Variants in EBAG9 observed in about 807,000 individuals in gnomAD.
EBAG9 encodes estrogen receptor binding site associated antigen 9, also known as receptor-binding cancer antigen expressed on SiSo cells.
EBAG9 carries 16 observed loss-of-function variants against 30.9 expected under a neutral mutation model. The observed-to-expected ratio is 0.52, with a 90% CI of 0.35 to 0.79. The LOEUF is 0.79. Among genes scored for constraint, EBAG9 ranks in the 30% least tolerant of loss-of-function variants. The pLI, the probability that EBAG9 is intolerant of heterozygous loss-of-function variation, is 0.01. For missense variants in EBAG9, 197 were observed against 242.1 expected (o/e 0.81, Z 1.24); for synonymous variants, 93 against 82.8 (o/e 1.12, Z -0.67).
At chr8:109,546,665 G>A (rs532155438) in intron 1 of EBAG9, among the ~76,000 whole-genome samples, 10 of 152,302 alleles carry the variant, frequency 6.6e-5, no homozygotes, top group South Asian at 6.2e-4. Flanking sequence ...TCTGGTTAGT[G>A]TTAGTGTATT....
Position 109,546,174 on chromosome 8 carries a change from G to A in EBAG9, c.-15-4636G>A, listed in dbSNP as rs373603120. ...AAATAATTGATACAAGATTATGATG[G>A]TGTTAATGAGTTTTTAAAACAGTAT... On this transcript the variant is annotated intron_variant, in intron 1 of 6. Transcript: ENST00000337573. 8.5e-5 allele frequency among the ~76,000 whole-genome samples: 13 copies of A among 152,268 alleles called. No homozygotes were observed. In the East Asian group the frequency reaches 1.3e-3, roughly 16 times the overall value.
chr8:109,551,659 T>G (rs1821497010), intron 2 of EBAG9, among the ~76,000 whole-genome samples: 1 of 152,198 alleles, frequency 6.6e-6, no homozygotes, highest in East Asian at 1.9e-4. Context: ...ATGTTTGAGA[T>G]AAGTTTTTGT....
At chr8:109,555,937 T>G (rs956960317) in intron 4 of EBAG9, among the ~76,000 whole-genome samples, 1 of 152,170 alleles carries the variant, frequency 6.6e-6, no homozygotes, top group Non-Finnish European at 1.5e-5. Flanking sequence ...ATTTTCTGTT[T>G]GGATTTCTTC....
chr8:109,543,126 ATTCTGGTTCTTTTTTTTTTTTT>A (rs2131096415), intron 1 of EBAG9, among the ~76,000 whole-genome samples: 1 of 71,456 alleles, frequency 1.4e-5, no homozygotes, highest in South Asian at 6.0e-4. Flanking sequence ...AATTTTTAAT[ATTCTGGTTCTTTTTTTTTTTTT>A]TTTTTTTTTT....
Position 109,564,502 on chromosome 8 carries a change from G to A in EBAG9, c.585G>A (p.Lys195=). 1.9e-6 allele frequency: 3 copies of A among 1,612,566 alleles called. No individual in the cohort carries two copies. The highest frequency in any genetic ancestry group is 2.5e-6 in the Non-Finnish European group (3 of 1,178,980). ...AAEQQRKKME[K]EAQRLMKKEQ... The stretch of plus-strand genomic sequence containing the variant: ...AACAACAAAGGAAGAAAATGGAAAA[G>A]GAAGCACAACGGCTAATGAAGAAGG... The change falls in exon 7 of 7, where the codon AAG becomes AAA. Residue 195 remains lysine, a synonymous_variant. Coordinates refer to ENST00000337573, the MANE Select transcript of EBAG9 (RefSeq NM_004215.5).
intron 1 of EBAG9, chr8:109,550,604 C>T: frequency 2.3e-6 from 1 of 428,352 alleles, no homozygotes; most frequent in South Asian, 3.6e-5. Context: ...GGGTTTTATC[C>T]TTACAACCAT....
chr8:109,552,899 C>T (rs2703387), intron 2 of EBAG9, among the ~76,000 whole-genome samples: 31,119 of 152,004 alleles, frequency 0.2, 3,468 homozygotes, highest in East Asian at 0.33. Flanking sequence ...AGTTCAAGAC[C>T]AGCCTGGGCA....
chr8:109,548,887 C>CTTTTTTTTTTTTTT (rs548152043), intron 1 of EBAG9, among the ~76,000 whole-genome samples: 4 of 125,118 alleles, frequency 3.2e-5, no homozygotes, highest in Admixed American at 8.1e-5. Flanking sequence ...TTTCTTTTTT[C>CTTTTTTTTTTTTTT]TTTTTTTTTT....
rs1403480927 is a variant in EBAG9, at chr8:109,556,919, T to C, written c.322-16T>C. On this transcript the variant is annotated splice_polypyrimidine_tract_variant and intron_variant, in intron 4 of 6. Transcript: ENST00000337573. The stretch of plus-strand genomic sequence containing the variant: ...TGTAAAAGATCCCTATAATTCTTTT[T>C]CAATTAATCTTTCAGATTGTTATTA... 4 of 1,462,514 alleles carry C rather than the reference T, an allele frequency of 2.7e-6. No homozygotes were observed. Among genetic ancestry groups the C allele is most frequent in the Non-Finnish European group, 3.7e-6 (4 of 1,068,176 alleles). The allele number at this position is 1,462,514 out of a possible 1,614,324, so 90.6% of individuals were successfully genotyped here.
chr8:109,557,042 T>A lies in EBAG9; in HGVS notation c.429T>A (p.Ser143=), dbSNP rs375694130. Residue 143 remains serine, a splice_region_variant and synonymous_variant, in exon 5 of 7, where the codon TCT becomes TCA. Transcript: ENST00000337573. ...ATQDLPFIHQ[S]SELGDLDTWQ... ...AAGATCTGCCTTTTATTCATCAGTC[T>A]GTAAGTATGTTAATGGTTCTAGGGA... 6.3e-6 allele frequency: 10 copies of A among 1,581,300 alleles called. No individual in the cohort carries two copies. In the African/African-American group the frequency reaches 1.3e-4, roughly 21 times the overall value.
chr8:109,565,877 T>C lies in EBAG9; in HGVS notation c.*1318T>C, dbSNP rs954347383. Reference sequence around the variant, plus strand: ...CCTTAGCCTAAGCTTTCAGACTAAATGTGATTATAGAATAAGATGAAAGTT... The same window carrying C: ...CCTTAGCCTAAGCTTTCAGACTAAACGTGATTATAGAATAAGATGAAAGTT... On this transcript the variant is annotated 3_prime_UTR_variant, in exon 7 of 7. Transcript: ENST00000337573. The C allele has an allele frequency of 6.6e-6, 1 of 152,100 alleles. No individual in the cohort carries two copies. The highest frequency in any genetic ancestry group is 1.5e-5 in the Non-Finnish European group (1 of 67,964). The allele number at this position is 152,100 out of a possible 1,614,324, so 9.4% of individuals were successfully genotyped here. A position where few individuals can be genotyped will look rare whatever the true frequency, so the allele number is the denominator to read the frequency against.
chr8:109,557,016 C>T lies in EBAG9; in HGVS notation c.403C>T (p.Gln135Ter). The change falls in exon 5 of 7, where the codon CAA (glutamine) becomes TAA (stop). Residue 135 changes from glutamine to a stop codon, truncating the protein, a stop_gained. Transcript: ENST00000337573. LOFTEE classifies it high-confidence loss of function. ...TTTCTCTAGTAGATTAGCAGCTACA[C>T]AAGATCTGCCTTTTATTCATCAGTC... ...TGFSSRLAAT[Q>*]DLPFIHQSSE... 5.0e-6 allele frequency: 8 copies of T among 1,606,260 alleles called. No homozygotes were observed. The highest frequency in any genetic ancestry group is 2.2e-5 in the East Asian group (1 of 44,494).
intron 1 of EBAG9, among the ~76,000 whole-genome samples, chr8:109,544,566 C>T (rs1279351582): frequency 6.6e-6 from 1 of 152,154 alleles, no homozygotes; most frequent in Non-Finnish European, 1.5e-5. Context: ...GTTCCAATGA[C>T]AGGAATCATG....
At chr8:109,557,804 C>T (rs1366914831) in intron 5 of EBAG9, 1 of 421,608 alleles carries the variant, frequency 2.4e-6, no homozygotes, top group Admixed American at 2.5e-5. Flanking sequence ...AAAGACAGCT[C>T]ACTTCTACAC....
At chr8:109,553,402 G>A (rs761902818) in intron 2 of EBAG9, among the ~76,000 whole-genome samples, 12 of 152,122 alleles carry the variant, frequency 7.9e-5, no homozygotes, top group African/African-American at 2.9e-4. Context: ...ATCCTTAAAA[G>A]TAAGTTACCA....
intron 5 of EBAG9, among the ~76,000 whole-genome samples, chr8:109,559,664 A>C (rs116834342): frequency 0.053 from 8,107 of 152,028 alleles, 493 homozygotes; most frequent in African/African-American, 0.15. Flanking sequence ...TGTAAAAAAC[A>C]ATCAGCCAGG....
At chr8:109,558,900 T>A (rs543671817) in intron 5 of EBAG9, among the ~76,000 whole-genome samples, 2 of 152,326 alleles carry the variant, frequency 1.3e-5, no homozygotes, top group Admixed American at 1.3e-4. Context: ...TTGGATATTT[T>A]TGTTGGGCAG....
intron 1 of EBAG9, among the ~76,000 whole-genome samples, chr8:109,543,135 CT>C (rs557388998): frequency 4.5e-3 from 240 of 52,832 alleles, no homozygotes; most frequent in Non-Finnish European, 8.4e-3. Context: ...TATTCTGGTT[CT>C]TTTTTTTTTT....
At chr8:109,553,716 A>G (rs1004465181) in intron 2 of EBAG9, 149 bp from the exon 3 acceptor site, 13 of 593,882 alleles carry the variant, frequency 2.2e-5, no homozygotes, top group African/African-American at 3.9e-5. Context: ...TTTTTTTACC[A>G]TAAATTAGTG....
Sources: allele counts gnomAD v4.1 joint callset (sites outside exome capture counted in the v4.1 genomes callset), GRCh38; gene constraint gnomAD v4.1.1; transcripts MANE v1.5; gene names NCBI Gene and HGNC (gene_info 2026-07-23, HGNC 2026-07-21).